LOC128462377: variants seen among roughly 807,000 people sequenced by gnomAD.
the LOC128462377 span, among the ~76,000 whole-genome samples, chr16:89,368,233 T>C: frequency 6.6e-6 from 1 of 151,928 alleles, no homozygotes; most frequent in Non-Finnish European, 1.5e-5. Flanking sequence ...TCTTGCTCTG[T>C]TGCCCAGGCC....
the LOC128462377 span, among the ~76,000 whole-genome samples, chr16:89,345,310 G>A: frequency 8.0e-6 from 1 of 124,838 alleles, no homozygotes; most frequent in East Asian, 2.6e-4. Flanking sequence ...CGGATGGAAA[G>A]CACTCGACCC....
chr16:89,404,232 G>A, the LOC128462377 span, among the ~76,000 whole-genome samples: 48 of 152,244 alleles, frequency 3.2e-4, no homozygotes, highest in Non-Finnish European at 5.6e-4. Context: ...TTGGCCGACT[G>A]TAGAACCCTG....
chr16:89,381,222 C>T, the LOC128462377 span, among the ~76,000 whole-genome samples: 1 of 151,384 alleles, frequency 6.6e-6, no homozygotes, highest in Non-Finnish European at 1.5e-5. Flanking sequence ...ATCCCAGCCA[C>T]TGGGGAGGCT....
the LOC128462377 span, among the ~76,000 whole-genome samples, chr16:89,318,015 C>T: frequency 2.0e-5 from 3 of 152,182 alleles, no homozygotes; most frequent in Non-Finnish European, 4.4e-5. Context: ...CAGCCACTCC[C>T]GAACTATTTG....
At chr16:89,410,748 A>T in the LOC128462377 span, among the ~76,000 whole-genome samples, 2 of 152,216 alleles carry the variant, frequency 1.3e-5, no homozygotes, top group African/African-American at 4.8e-5. Flanking sequence ...TTTACAAAGA[A>T]CCCTCGCTTC....
chr16:89,334,581 G>A, the LOC128462377 span, among the ~76,000 whole-genome samples: 1 of 152,094 alleles, frequency 6.6e-6, no homozygotes, highest in African/African-American at 2.4e-5. Flanking sequence ...GCCATGAGAA[G>A]CAGCCAGGTG....
the LOC128462377 span, chr16:89,361,434 C>G: frequency 6.6e-6 from 1 of 152,298 alleles, no homozygotes; most frequent in African/African-American, 2.4e-5. Context: ...CTGTCTTCAT[C>G]ATCATTCAAC....
the LOC128462377 span, among the ~76,000 whole-genome samples, chr16:89,336,327 C>T: frequency 2.0e-5 from 3 of 152,238 alleles, no homozygotes; most frequent in African/African-American, 2.4e-5. Context: ...CGCAACTGCC[C>T]GCACCTCCAA....
the LOC128462377 span, among the ~76,000 whole-genome samples, chr16:89,317,385 G>A: frequency 3.3e-4 from 51 of 152,324 alleles, no homozygotes; most frequent in Non-Finnish European, 6.3e-4. Context: ...GCAGCACCTG[G>A]ATCCTGGGTC....
the LOC128462377 span, among the ~76,000 whole-genome samples, chr16:89,409,770 A>C: frequency 1.3e-5 from 2 of 152,344 alleles, no homozygotes; most frequent in Middle Eastern, 3.4e-3. Flanking sequence ...GGATTTCTTT[A>C]ACAAAATCTG....
chr16:89,323,802 C>A, the LOC128462377 span: 9 of 245,574 alleles, frequency 3.7e-5, no homozygotes, highest in South Asian at 4.1e-4. Context: ...CTCCTCAGGG[C>A]CACACCAACT....
At chr16:89,404,162 C>T in the LOC128462377 span, among the ~76,000 whole-genome samples, 13 of 152,286 alleles carry the variant, frequency 8.5e-5, no homozygotes, top group East Asian at 2.5e-3. Context: ...ATGGACACAG[C>T]CCACAGGTGG....
chr16:89,367,742 AC>A, the LOC128462377 span, among the ~76,000 whole-genome samples: 1 of 151,986 alleles, frequency 6.6e-6, no homozygotes, highest in African/African-American at 2.4e-5. Context: ...CATCCTGACT[AC>A]CCCCAGCGGC....
chr16:89,383,322 T>C, the LOC128462377 span, among the ~76,000 whole-genome samples: 1 of 152,248 alleles, frequency 6.6e-6, no homozygotes. Context: ...CATGCCTGCC[T>C]GGCTGCTCTG....
chr16:89,388,292 G>GTTTTTTTTTTTTTTT, the LOC128462377 span, among the ~76,000 whole-genome samples: 1 of 61,052 alleles, frequency 1.6e-5, no homozygotes, highest in African/African-American at 5.0e-5. Context: ...CCATGAGGCT[G>GTTTTTTTTTTTTTTT]ATTTTTTTTT....
At chr16:89,406,945 A>G in the LOC128462377 span, among the ~76,000 whole-genome samples, 2 of 152,104 alleles carry the variant, frequency 1.3e-5, no homozygotes, top group African/African-American at 2.4e-5. Context: ...TTGGGAGGCC[A>G]GGGGAAGGGG....
At chr16:89,387,805 C>T in the LOC128462377 span, among the ~76,000 whole-genome samples, 1 of 151,194 alleles carries the variant, frequency 6.6e-6, no homozygotes, top group South Asian at 2.1e-4. Context: ...GGGTTCAAGA[C>T]CAGCCTGGCC....
At chr16:89,326,139 C>T in the LOC128462377 span, among the ~76,000 whole-genome samples, 1 of 152,166 alleles carries the variant, frequency 6.6e-6, no homozygotes, top group East Asian at 1.9e-4. Context: ...GAAAAGCAGG[C>T]GTGTGTGTTA....
the LOC128462377 span, among the ~76,000 whole-genome samples, chr16:89,417,791 G>A: frequency 0.01 from 1,579 of 151,610 alleles, 17 homozygotes; most frequent in African/African-American, 0.023. Context: ...GGATCCTAAC[G>A]AGCAGAACAG....
Sources: allele counts gnomAD v4.1 joint callset (sites outside exome capture counted in the v4.1 genomes callset), GRCh38; gene constraint gnomAD v4.1.1; transcripts MANE v1.5.